Variants in TNNI3K observed in about 807,000 individuals in gnomAD.
TNNI3K encodes serine/threonine-protein kinase TNNI3K.
A neutral mutation model predicts 114.5 loss-of-function variants in TNNI3K; 140 were observed. The observed-to-expected ratio is 1.22, with a 90% CI of 1.07 to 1.41. TNNI3K has a LOEUF of 1.41. Ranked by LOEUF, TNNI3K falls within the 40% of genes most tolerant of loss-of-function variation. The pLI is 0.00. For missense variants in TNNI3K, 1,125 were observed against 1,007.6 expected, an observed-to-expected ratio of 1.12 and a Z score of -1.58; for synonymous variants, 347 against 347.5, an observed-to-expected ratio of 1.00 and a Z score of 0.02.
chr1:74,363,302 G>C (rs1662071398), intron 11 of TNNI3K, among the ~76,000 whole-genome samples: 1 of 152,038 alleles, frequency 6.6e-6, no homozygotes, highest in Non-Finnish European at 1.5e-5. Context: ...CCATACGTGG[G>C]TGCCTTAGCC....
chr1:74,502,408 C>G (rs1570710158), intron 23 of TNNI3K, among the ~76,000 whole-genome samples: 1 of 152,226 alleles, frequency 6.6e-6, no homozygotes, highest in African/African-American at 2.4e-5. Context: ...TTAGATAAAA[C>G]AGAAACTCAA....
At chr1:74,464,402 G>A (rs112329725) in intron 21 of TNNI3K, among the ~76,000 whole-genome samples, 75 of 152,244 alleles carry the variant, frequency 4.9e-4, no homozygotes, top group African/African-American at 1.7e-3. Flanking sequence ...CACAATGGAG[G>A]ACCTCATATG....
chr1:74,262,820 A>G (rs934161523), intron 4 of TNNI3K, among the ~76,000 whole-genome samples: 2 of 152,102 alleles, frequency 1.3e-5, no homozygotes, highest in Non-Finnish European at 2.9e-5. Flanking sequence ...TTATGCTTCA[A>G]TTCTTACACC....
chr1:74,341,501 A>G (rs528028242), intron 7 of TNNI3K: 1 of 151,540 alleles, frequency 6.6e-6, no homozygotes, highest in African/African-American at 2.4e-5. Context: ...ATACATAGTG[A>G]TCACTTGATT....
chr1:74,539,383 G>A (rs7553348), intron 23 of TNNI3K, among the ~76,000 whole-genome samples: 63,853 of 151,986 alleles, frequency 0.42, 15,371 homozygotes, highest in Non-Finnish European at 0.56. Flanking sequence ...TAGTTGCTTT[G>A]AGAATGACAA....
chr1:74,261,168 C>T (rs1351001534), intron 4 of TNNI3K, among the ~76,000 whole-genome samples: 1 of 151,820 alleles, frequency 6.6e-6, no homozygotes, highest in African/African-American at 2.4e-5. Flanking sequence ...CCAATTTCGT[C>T]TATTCAGTTG....
chr1:74,410,331 C>T (rs2100610336), intron 17 of TNNI3K, among the ~76,000 whole-genome samples: 1 of 152,076 alleles, frequency 6.6e-6, no homozygotes, highest in African/African-American at 2.4e-5. Context: ...ATTAATTTTC[C>T]AAAATCACGC....
intron 17 of TNNI3K, 28 bp from the exon 18 acceptor site, chr1:74,436,052 C>G: frequency 7.0e-7 from 1 of 1,427,686 alleles, no homozygotes. Context: ...TACTCAATGT[C>G]TACTTTTTTT....
At chr1:74,320,945 T>C (rs1659578455) in intron 5 of TNNI3K, among the ~76,000 whole-genome samples, 1 of 152,130 alleles carries the variant, frequency 6.6e-6, no homozygotes, top group Non-Finnish European at 1.5e-5. Context: ...TCCTCTGTAA[T>C]GTGAGGTTGA....
intron 5 of TNNI3K, among the ~76,000 whole-genome samples, chr1:74,314,895 T>C (rs1659224164): frequency 6.6e-6 from 1 of 152,184 alleles, no homozygotes; most frequent in South Asian, 2.1e-4. Flanking sequence ...TTATATCTTA[T>C]ACTTAGGAAA....
intron 5 of TNNI3K, among the ~76,000 whole-genome samples, chr1:74,305,326 A>G (rs1253718250): frequency 6.6e-6 from 1 of 152,174 alleles, no homozygotes; most frequent in East Asian, 1.9e-4. Flanking sequence ...AGACATTAGG[A>G]TCAGGAGGTT....
chr1:74,279,999 C>T (rs957207108), intron 5 of TNNI3K, among the ~76,000 whole-genome samples: 16 of 152,062 alleles, frequency 1.1e-4, no homozygotes, highest in African/African-American at 2.9e-4. Flanking sequence ...ACAGGATAAC[C>T]GAGTTGAACA....
intron 17 of TNNI3K, among the ~76,000 whole-genome samples, chr1:74,417,937 A>C (rs1192324931): frequency 6.6e-6 from 1 of 152,148 alleles, no homozygotes; most frequent in Non-Finnish European, 1.5e-5. Flanking sequence ...CATGAAGCTC[A>C]ACATGTGTAT....
intron 5 of TNNI3K, among the ~76,000 whole-genome samples, chr1:74,323,981 A>G (rs1043312157): frequency 1.3e-5 from 2 of 152,236 alleles, no homozygotes; most frequent in African/African-American, 4.8e-5. Context: ...AATCTAAGGG[A>G]GAATAAAATC....
At chr1:74,464,591 G>C (rs1221333986) in intron 21 of TNNI3K, 1 of 1,528,186 alleles carries the variant, frequency 6.5e-7, no homozygotes, top group Non-Finnish European at 8.8e-7. Flanking sequence ...CCCCAGTCCA[G>C]ATGTTTGAAA....
At chr1:74,257,859 G>A (rs1262078754) in intron 4 of TNNI3K, among the ~76,000 whole-genome samples, 1 of 151,740 alleles carries the variant, frequency 6.6e-6, no homozygotes, top group African/African-American at 2.4e-5. Context: ...AGTAGAGACG[G>A]GGTTTCACCA....
chr1:74,276,683 A>G (rs1017933846), intron 5 of TNNI3K, among the ~76,000 whole-genome samples: 7 of 152,136 alleles, frequency 4.6e-5, no homozygotes, highest in African/African-American at 1.7e-4. Context: ...TTCTCTGTGA[A>G]ACAATAGCTG....
intron 5 of TNNI3K, among the ~76,000 whole-genome samples, chr1:74,297,755 A>C (rs1658085353): frequency 6.6e-6 from 1 of 151,944 alleles, no homozygotes; most frequent in South Asian, 2.1e-4. Context: ...CTGGTCTATA[A>C]TTTTTTGTAT....
intron 23 of TNNI3K, among the ~76,000 whole-genome samples, chr1:74,528,322 G>A (rs530171847): frequency 6.6e-5 from 10 of 152,286 alleles, no homozygotes; most frequent in Admixed American, 6.5e-4. Flanking sequence ...TAGGGACATA[G>A]TACAGTGCTG....
Sources: allele counts gnomAD v4.1 joint callset (sites outside exome capture counted in the v4.1 genomes callset), GRCh38; gene constraint gnomAD v4.1.1; transcripts MANE v1.5; gene names NCBI Gene and HGNC (gene_info 2026-07-23, HGNC 2026-07-21).